The following ATRNL1 variants were observed in gnomAD, a reference collection of about 807,000 sequenced individuals.
ATRNL1 encodes the protein attractin-like protein 1.
Under a neutral mutation model 182.7 loss-of-function variants are expected in ATRNL1, and 95 were observed. That is an observed-to-expected ratio of 0.52 (90% CI 0.44 to 0.62). The LOEUF (loss-of-function observed/expected upper bound fraction) is 0.62, where lower values mean the gene tolerates loss of function less well. Ranked by LOEUF, ATRNL1 falls within the 20% of genes least tolerant of loss-of-function variation. The probability of loss-of-function intolerance (pLI) is 0.00; values close to 1 mark genes in which losing one functional copy is unlikely to be tolerated. For synonymous variants in ATRNL1, 576 were observed against 568.3 expected (o/e 1.01, Z -0.19); for missense variants, 1,471 against 1,679.5 (o/e 0.88, Z 2.17).
intron 10 of ATRNL1, among the ~76,000 whole-genome samples, chr10:115,244,223 A>G (rs1011360148): frequency 3.9e-5 from 6 of 152,126 alleles, no homozygotes; most frequent in Non-Finnish European, 8.8e-5. Flanking sequence ...TGATATTTAA[A>G]CAGGAATATT....
chr10:115,632,335 C>G (rs1286191112), intron 26 of ATRNL1, among the ~76,000 whole-genome samples: 2 of 151,988 alleles, frequency 1.3e-5, no homozygotes, highest in African/African-American at 2.4e-5. Flanking sequence ...ACTATAACTT[C>G]ATGACTGGAA....
At chr10:115,389,538 GTGTATATATATATATATATATATATA>G (rs1172227987) in intron 19 of ATRNL1, among the ~76,000 whole-genome samples, 7 of 51,408 alleles carry the variant, frequency 1.4e-4, no homozygotes, top group Non-Finnish European at 2.0e-4. Flanking sequence ...AAATGTGTAT[GTGTATATATATATATATATATATATA>G]TATATATATA....
Position 115,373,044 on chromosome 10 carries a change from TC to T in ATRNL1, c.3176-21614del, listed in dbSNP as rs1261490366. ...TTATTTGTGTCCTGTTCAACTTTTTTCATCAATGTTTTATAATTTTCAGTAT... is the reference window on the plus strand; with the variant it reads ...TTATTTGTGTCCTGTTCAACTTTTTTATCAATGTTTTATAATTTTCAGTAT... On this transcript the variant is annotated intron_variant, in intron 19 of 28. Transcript: ENST00000355044. 2.0e-5 allele frequency among the ~76,000 whole-genome samples: 3 copies of T among 152,280 alleles called. No individual in the cohort carries two copies. The East Asian group carries it at 5.8e-4, about 29-fold the overall frequency.
At chr10:115,594,851 C>T (rs1042255586) in intron 26 of ATRNL1, among the ~76,000 whole-genome samples, 65 of 152,150 alleles carry the variant, frequency 4.3e-4, no homozygotes, top group Admixed American at 4.3e-3. Flanking sequence ...AAGAGATCAG[C>T]AGGTGGTTTG....
intron 28 of ATRNL1, among the ~76,000 whole-genome samples, chr10:115,906,502 G>T (rs2134506810): frequency 6.6e-6 from 1 of 152,190 alleles, no homozygotes; most frequent in East Asian, 1.9e-4. Flanking sequence ...CTTAACAAAT[G>T]CCTTTATTCA....
chr10:115,324,329 C>G (rs1854757069), intron 18 of ATRNL1, among the ~76,000 whole-genome samples: 1 of 152,130 alleles, frequency 6.6e-6, no homozygotes, highest in Non-Finnish European at 1.5e-5. Flanking sequence ...TGCTTTTGCA[C>G]TACAGTTGCA....
intron 6 of ATRNL1, among the ~76,000 whole-genome samples, chr10:115,164,073 AG>A (rs1554883843): frequency 6.6e-6 from 1 of 152,204 alleles, no homozygotes; most frequent in African/African-American, 2.4e-5. Context: ...TTCTTAAAAC[AG>A]GCTCCTGTTT....
chr10:115,224,265 A>C (rs1288282068), intron 9 of ATRNL1, among the ~76,000 whole-genome samples: 1 of 151,830 alleles, frequency 6.6e-6, no homozygotes, highest in Non-Finnish European at 1.5e-5. Flanking sequence ...TCATACTGAA[A>C]ATTTTCATAC....
chr10:115,528,560 G>C lies in ATRNL1; in HGVS notation c.3716+9236G>C, dbSNP rs187809244. Among the ~76,000 whole-genome samples the C allele has an allele frequency of 8.2e-4, 124 of 150,924 alleles. 2 individuals carry two copies. Among genetic ancestry groups the C allele is most frequent in the Non-Finnish European group, 3.4e-4 (23 of 67,680 alleles). The stretch of plus-strand genomic sequence containing the variant: ...GTCTAACTAAAGGTTTGCCAATTTT[G>C]TTGCTCTTTTTCAAGAATCAACTTT... On this transcript the variant is annotated intron_variant, in intron 25 of 28. Coordinates refer to ENST00000355044, the MANE Select transcript of ATRNL1 (RefSeq NM_207303.4).
At chr10:115,296,801 A>T (rs1246764148) in intron 15 of ATRNL1, among the ~76,000 whole-genome samples, 2 of 152,172 alleles carry the variant, frequency 1.3e-5, no homozygotes, top group African/African-American at 4.8e-5. Flanking sequence ...TCTGTGAAGG[A>T]TAGAGCAGTA....
At chr10:115,688,768 C>T (rs1322155960) in intron 26 of ATRNL1, among the ~76,000 whole-genome samples, 1 of 152,076 alleles carries the variant, frequency 6.6e-6, no homozygotes, top group South Asian at 2.1e-4. Flanking sequence ...GTGGTCTATT[C>T]ACTCTGCTGA....
intron 19 of ATRNL1, among the ~76,000 whole-genome samples, chr10:115,355,931 G>T (rs1471961525): frequency 6.6e-6 from 1 of 151,256 alleles, no homozygotes; most frequent in Non-Finnish European, 1.5e-5. Flanking sequence ...TTTCAGTTTT[G>T]GGGAAAAAAG....
At chr10:115,863,763 A>G (rs1951371110) in intron 28 of ATRNL1, among the ~76,000 whole-genome samples, 2 of 152,208 alleles carry the variant, frequency 1.3e-5, no homozygotes, top group African/African-American at 4.8e-5. Context: ...TGGTTTTTTA[A>G]CACCATTCTC....
intron 28 of ATRNL1, among the ~76,000 whole-genome samples, chr10:115,918,100 T>TTTC (rs1952929835): frequency 2.8e-4 from 1 of 3,602 alleles, no homozygotes; most frequent in Non-Finnish European, 0.025. Context: ...TTTAGTGTCT[T>TTTC]TTTTTTTTTT....
At chr10:115,799,728 GC>G (rs1555083878) in intron 27 of ATRNL1, among the ~76,000 whole-genome samples, 2 of 152,178 alleles carry the variant, frequency 1.3e-5, no homozygotes, top group Non-Finnish European at 2.9e-5. Context: ...TGGCCATTTA[GC>G]TAATCTCATA....
intron 13 of ATRNL1, among the ~76,000 whole-genome samples, chr10:115,272,632 C>T (rs571496664): frequency 3.0e-4 from 46 of 152,246 alleles, no homozygotes; most frequent in African/African-American, 1.1e-3. Flanking sequence ...TTATTGGACC[C>T]ATAAATGCTG....
intron 27 of ATRNL1, among the ~76,000 whole-genome samples, chr10:115,764,670 G>A (rs1356368403): frequency 1.3e-5 from 2 of 151,822 alleles, no homozygotes; most frequent in East Asian, 3.9e-4. Context: ...TTTTTTGTTT[G>A]TTTGTTTTTT....
At chr10:115,147,279 A>G (rs1195455714) in intron 5 of ATRNL1, among the ~76,000 whole-genome samples, 11 of 152,110 alleles carry the variant, frequency 7.2e-5, no homozygotes, top group African/African-American at 2.7e-4. Context: ...TTCTTTTGAG[A>G]AATGACTTCA....
chr10:115,461,077 AAAAT>A (rs1847773169), intron 21 of ATRNL1, among the ~76,000 whole-genome samples: 1 of 152,190 alleles, frequency 6.6e-6, no homozygotes, highest in African/African-American at 2.4e-5. Flanking sequence ...AATAGTTTTA[AAAAT>A]AAATTCAGTT....
Sources: allele counts gnomAD v4.1 joint callset (sites outside exome capture counted in the v4.1 genomes callset), GRCh38; gene constraint gnomAD v4.1.1; transcripts MANE v1.5; gene names NCBI Gene and HGNC (gene_info 2026-07-23, HGNC 2026-07-21).